PRDM1: variants seen among roughly 807,000 people sequenced by gnomAD.
The protein encoded by PRDM1 is PR domain zinc finger protein 1.
PRDM1 carries 13 observed loss-of-function variants against 62.8 expected under a neutral mutation model. The observed-to-expected ratio is 0.21, with a 90% confidence interval of 0.13 to 0.33. PRDM1 has a LOEUF of 0.33. Among genes scored for constraint, PRDM1 ranks in the 10% least tolerant of loss-of-function variants. The probability of loss-of-function intolerance (pLI) is 1.00; values close to 1 mark genes in which losing one functional copy is unlikely to be tolerated. For missense variants in PRDM1, 895 were observed against 1,058.8 expected, an observed-to-expected ratio of 0.85 and a Z score of 2.15; for synonymous variants, 396 against 417.6, an observed-to-expected ratio of 0.95 and a Z score of 0.63.
chr6:106,071,274 A>G (rs1223116262), intron 1 of PRDM1, among the ~76,000 whole-genome samples: 1 of 152,136 alleles, frequency 6.6e-6, no homozygotes, highest in Non-Finnish European at 1.5e-5. Context: ...CTGGCTCAAA[A>G]AAAAGAATGC....
At chr6:106,085,053 G>A (rs774490883), upstream of PRDM1, among the ~76,000 whole-genome samples, 7 of 152,134 alleles carry the variant, frequency 4.6e-5, no homozygotes, top group Non-Finnish European at 1.0e-4. Context: ...AAATTTTAAA[G>A]ATAAACAGAC....
intron 1 of PRDM1, among the ~76,000 whole-genome samples, chr6:106,051,110 A>G (rs930616809): frequency 2.0e-5 from 3 of 152,240 alleles, no homozygotes; most frequent in Non-Finnish European, 4.4e-5. Context: ...AATGTTATCC[A>G]TCCAGTTTGT....
chr6:106,037,399 A>T (rs986938215), intron 1 of PRDM1, among the ~76,000 whole-genome samples: 3 of 152,106 alleles, frequency 2.0e-5, no homozygotes, highest in Non-Finnish European at 2.9e-5. Context: ...TCTCTCATCA[A>T]ATTTGGTCAG....
chr6:106,002,789 A>G (rs540090883), intron 1 of PRDM1, among the ~76,000 whole-genome samples: 27 of 152,264 alleles, frequency 1.8e-4, no homozygotes, highest in African/African-American at 6.5e-4. Flanking sequence ...GTTTACCTAT[A>G]GAGAGTGTGG....
chr6:106,060,596 GGGAAGTGAGAACAAGTGGTAAATA>G, intron 1 of PRDM1, among the ~76,000 whole-genome samples: 1 of 152,116 alleles, frequency 6.6e-6, no homozygotes, highest in Non-Finnish European at 1.5e-5. Flanking sequence ...TGGGTGATAA[GGGAAGTGAGAACAAGTGGTAAATA>G]CTGGAGAATG....
chr6:106,091,013 A>T (rs959314239), intron 2 of PRDM1, among the ~76,000 whole-genome samples: 1 of 152,216 alleles, frequency 6.6e-6, no homozygotes, highest in Non-Finnish European at 1.5e-5. Flanking sequence ...CCAGAACTGA[A>T]ATCAAATATA....
intron 1 of PRDM1, among the ~76,000 whole-genome samples, chr6:105,999,290 C>T (rs1418396285): frequency 6.6e-6 from 1 of 151,728 alleles, no homozygotes; most frequent in Non-Finnish European, 1.5e-5. Flanking sequence ...GCAGCAGTGG[C>T]TCACACTTGT....
intron 1 of PRDM1, among the ~76,000 whole-genome samples, chr6:106,081,088 A>G (rs1250467970): frequency 6.6e-6 from 1 of 152,208 alleles, no homozygotes; most frequent in Non-Finnish European, 1.5e-5. Flanking sequence ...TGTCTATTAA[A>G]TGAGGTTTGT....
At chr6:106,093,765 A>C (rs1774021045) in intron 2 of PRDM1, among the ~76,000 whole-genome samples, 1 of 152,226 alleles carries the variant, frequency 6.6e-6, no homozygotes, top group South Asian at 2.1e-4. Context: ...AACGGTGATT[A>C]AAAGGGCAGA....
chr6:106,029,777 G>GT (rs537938186), intron 1 of PRDM1, among the ~76,000 whole-genome samples: 129 of 150,514 alleles, frequency 8.6e-4, no homozygotes, highest in Non-Finnish European at 1.1e-3. Flanking sequence ...TGGCTAATTG[G>GT]TTTTTTTTTG....
chr6:105,996,587 G>T (rs1772351445), intron 1 of PRDM1, among the ~76,000 whole-genome samples: 1 of 152,090 alleles, frequency 6.6e-6, no homozygotes, highest in Admixed American at 6.5e-5. Flanking sequence ...TTATAGTTTG[G>T]ACTGCATTTT....
chr6:106,072,768 T>C (rs1287364746), intron 1 of PRDM1, among the ~76,000 whole-genome samples: 1 of 152,206 alleles, frequency 6.6e-6, no homozygotes, highest in Non-Finnish European at 1.5e-5. Context: ...ACGTGGTGGA[T>C]TGAGCTGTTC....
At chr6:106,045,611 A>C (rs1773061929), upstream of PRDM1, 1 of 152,228 alleles carries the variant, frequency 6.6e-6, no homozygotes, top group South Asian at 2.1e-4. Context: ...TATTTTCAGT[A>C]AAAACCTTGT....
intron 1 of PRDM1, among the ~76,000 whole-genome samples, chr6:106,004,235 T>A (rs994813235): frequency 1.3e-5 from 2 of 151,958 alleles, no homozygotes; most frequent in African/African-American, 4.8e-5. Context: ...GGGGGGAACT[T>A]CCCAGGTGCT....
intron 1 of PRDM1, among the ~76,000 whole-genome samples, chr6:106,009,252 G>A (rs963409208): frequency 6.6e-6 from 1 of 152,162 alleles, no homozygotes; most frequent in African/African-American, 2.4e-5. Context: ...GTGACAATCA[G>A]GTTAATGTTA....
At chr6:106,093,433 A>C (rs1774014120) in intron 2 of PRDM1, among the ~76,000 whole-genome samples, 3 of 152,206 alleles carry the variant, frequency 2.0e-5, no homozygotes, top group Admixed American at 1.3e-4. Flanking sequence ...CCTTTCTTAA[A>C]ATTACTGTTG....
intron 1 of PRDM1, among the ~76,000 whole-genome samples, chr6:106,040,048 G>A (rs545957670): frequency 1.0e-3 from 152 of 152,312 alleles, no homozygotes; most frequent in African/African-American, 3.6e-3. Flanking sequence ...CTAAGACCAA[G>A]GCATTCAAAA....
chr6:106,025,519 T>C (rs944002989), intron 1 of PRDM1, among the ~76,000 whole-genome samples: 1 of 152,240 alleles, frequency 6.6e-6, no homozygotes, highest in Non-Finnish European at 1.5e-5. Flanking sequence ...CTGAATTGTT[T>C]TCTAGTTGAA....
chr6:105,994,494 C>T lies in PRDM1; in HGVS notation c.-67+855C>T, dbSNP rs1455001385. Among the ~76,000 whole-genome samples the T allele has an allele frequency of 6.6e-6, 1 of 152,270 alleles. No individual in the cohort carries two copies. Among genetic ancestry groups the T allele is most frequent in the Admixed American group, 6.5e-5 (1 of 15,302 alleles). The stretch of plus-strand genomic sequence containing the variant: ...TTCTTGTTCTCCGAGCTCGAGCCCC[C>T]TTTTAAAAAGTCGCTCACCAAAAAC... On this transcript the variant is annotated intron_variant, in intron 1 of 6. Coordinates refer to the PRDM1 transcript ENST00000652320. This position sits in a 1 kb window ranked among gnomAD's most constrained non-coding sequence, Gnocchi z 4.1.
Sources: allele counts gnomAD v4.1 joint callset (sites outside exome capture counted in the v4.1 genomes callset), GRCh38; gene constraint gnomAD v4.1.1; non-coding constraint Gnocchi (gnomAD v3.1); transcripts MANE v1.5; gene names NCBI Gene and HGNC (gene_info 2026-07-23, HGNC 2026-07-21).